KIF5C: variants seen among roughly 807,000 people sequenced by gnomAD.
KIF5C encodes kinesin family member 5C.
Under a neutral mutation model 125.2 loss-of-function variants are expected in KIF5C, and 18 were observed. That is an observed-to-expected ratio of 0.14 (90% confidence interval 0.10 to 0.21). KIF5C has a LOEUF of 0.21. Ranked by LOEUF, KIF5C falls within the 10% of genes least tolerant of loss-of-function variation. The probability of loss-of-function intolerance (pLI) is 1.00; values close to 1 mark genes in which losing one functional copy is unlikely to be tolerated. For missense variants in KIF5C, 780 were observed against 1,183.8 expected (o/e 0.66, Z 5.01); for synonymous variants, 405 against 434.0 (o/e 0.93, Z 0.83).
At chr2:149,011,278 G>A (rs1682187483) in intron 24 of KIF5C, among the ~76,000 whole-genome samples, 2 of 152,194 alleles carry the variant, frequency 1.3e-5, no homozygotes, top group South Asian at 2.1e-4. Flanking sequence ...GGGAACCTAC[G>A]ATCCATTTCA....
intron 25 of KIF5C, among the ~76,000 whole-genome samples, chr2:149,017,949 G>A (rs1028870345): frequency 1.3e-5 from 2 of 152,084 alleles, no homozygotes; most frequent in South Asian, 2.1e-4. Flanking sequence ...GGTGCAATGC[G>A]ACCCCGGAGT....
At chr2:148,992,575 G>T (rs967810168) in intron 16 of KIF5C, among the ~76,000 whole-genome samples, 1 of 152,156 alleles carries the variant, frequency 6.6e-6, no homozygotes, top group Non-Finnish European at 1.5e-5. Context: ...ATAATATTAT[G>T]CAGCTCTTAT....
chr2:148,888,575 A>C lies in KIF5C; in HGVS notation c.126+12832A>C, dbSNP rs185855363. The C allele has an allele frequency of 2.0e-5, 3 of 152,032 alleles. No individual in the cohort carries two copies. The East Asian group carries it at 5.9e-4, about 30-fold the overall frequency. The allele number at this position is 152,032 out of a possible 1,614,324, so 9.4% of individuals were successfully genotyped here. ...CACAGCTCTTTGGAGAAGGAGTCTG[A>C]TTCTGTGCTGAAAAATCTCTCTTCC... is the stretch of plus-strand genomic sequence containing the variant. On this transcript the variant is annotated intron_variant, in intron 1 of 25. Coordinates refer to ENST00000435030, the MANE Select transcript of KIF5C (RefSeq NM_004522.3).
intron 1 of KIF5C, chr2:148,878,840 A>C (rs905190539): frequency 6.6e-6 from 1 of 152,258 alleles, no homozygotes; most frequent in South Asian, 2.1e-4. Context: ...CTTCAAACAG[A>C]GACAAGTAAA....
intron 12 of KIF5C, among the ~76,000 whole-genome samples, chr2:148,974,577 G>A (rs763775462): frequency 7.9e-5 from 12 of 152,138 alleles, no homozygotes; most frequent in Non-Finnish European, 1.5e-4. Flanking sequence ...TCGCACCCAC[G>A]AGATGGGTTA....
intron 10 of KIF5C, among the ~76,000 whole-genome samples, chr2:148,955,132 C>T (rs1682761631): frequency 6.6e-6 from 1 of 152,082 alleles, no homozygotes; most frequent in Non-Finnish European, 1.5e-5. Flanking sequence ...AATGGCCTCA[C>T]CAGAAGCTGG....
At chr2:148,877,830 G>A (rs1681236621) in intron 1 of KIF5C, 1 of 149,182 alleles carries the variant, frequency 6.7e-6, no homozygotes, top group Admixed American at 6.8e-5. Context: ...TCCTTGACCT[G>A]TATGCAAGGC....
intron 10 of KIF5C, among the ~76,000 whole-genome samples, chr2:148,951,808 T>G (rs1682665796): frequency 6.6e-6 from 1 of 152,146 alleles, no homozygotes; most frequent in Non-Finnish European, 1.5e-5. Flanking sequence ...TGTTGTGTGG[T>G]TATGCCTAAG....
rs887254570 is a variant in KIF5C, at chr2:148,884,949, T to C, written c.126+9206T>C. Among the ~76,000 whole-genome samples, 9 of 148,474 alleles carry C rather than the reference T, an allele frequency of 6.1e-5. 1 individual carries two copies. The highest frequency in any genetic ancestry group is 3.5e-3 in the Middle Eastern group (1 of 282). On this transcript the variant is annotated intron_variant, in intron 1 of 25. Coordinates refer to ENST00000435030, the MANE Select transcript of KIF5C (RefSeq NM_004522.3). ...GCAAGATTCCCAGCCTATCCCCCCC[T>C]CACAATGGCCATGTCCTAATTGTTT... is the stretch of plus-strand genomic sequence containing the variant.
intron 4 of KIF5C, 61 bp downstream of exon 4, chr2:148,937,449 C>A (rs1015842744): frequency 6.6e-7 from 1 of 1,516,598 alleles, no homozygotes; most frequent in Non-Finnish European, 8.8e-7. Flanking sequence ...TTTCTTATAC[C>A]TCCTCCTTTC....
At chr2:148,974,337 C>T (rs1405409507) in intron 12 of KIF5C, among the ~76,000 whole-genome samples, 5 of 152,208 alleles carry the variant, frequency 3.3e-5, no homozygotes, top group Admixed American at 2.0e-4. Flanking sequence ...TGCTTAGGGA[C>T]ACCTCTGGCT....
chr2:148,998,749 C>T (rs1169361841), intron 19 of KIF5C: 3 of 526,630 alleles, frequency 5.7e-6, no homozygotes, highest in South Asian at 2.5e-5. Context: ...TCCTAGTCCC[C>T]GAGGGCCAGG....
In KIF5C at chr2:148,907,720, T is replaced by A. The variant is rs75105520; in HGVS notation, c.127-14417T>A. 3.3e-3 allele frequency among the ~76,000 whole-genome samples: 509 copies of A among 152,260 alleles called. 16 individuals carry two copies. The East Asian group carries it at 0.072, about 22-fold the overall frequency. ...AGAGCATGTCTGAGTAGCTGACTGA[T>A]GTGGAGCCAGCCTTTGTGGCCGAGG... On this transcript the variant is annotated intron_variant, in intron 1 of 25. Transcript: ENST00000435030.
intron 1 of KIF5C, among the ~76,000 whole-genome samples, chr2:148,909,881 G>A (rs1171183472): frequency 6.6e-6 from 1 of 152,100 alleles, no homozygotes; most frequent in Non-Finnish European, 1.5e-5. Context: ...CCTACTTATC[G>A]CTGTGCGACT....
chr2:149,007,935 T>C (rs1682060726), intron 22 of KIF5C, 28 bp from the exon 23 acceptor site: 1 of 1,552,772 alleles, frequency 6.4e-7, no homozygotes, highest in South Asian at 1.2e-5. Flanking sequence ...TGACAGCCTG[T>C]CCTGCTGACC....
chr2:148,975,734 A>G (rs1558927379), intron 12 of KIF5C, among the ~76,000 whole-genome samples: 1 of 152,102 alleles, frequency 6.6e-6, no homozygotes, highest in Non-Finnish European at 1.5e-5. Flanking sequence ...GTGGACTCAG[A>G]CCTGTAACAA....
At chr2:148,902,700 T>G (rs1680951883) in intron 1 of KIF5C, among the ~76,000 whole-genome samples, 2 of 152,224 alleles carry the variant, frequency 1.3e-5, no homozygotes, top group South Asian at 4.1e-4. Context: ...GTTTTTCTTA[T>G]GGGAGCCCAA....
intron 1 of KIF5C, among the ~76,000 whole-genome samples, chr2:148,889,201 C>T (rs56066804): frequency 0.012 from 1,856 of 152,312 alleles, 34 homozygotes; most frequent in African/African-American, 0.043. Flanking sequence ...AGTGTCCCAT[C>T]TGGTGGTTAA....
intron 3 of KIF5C, among the ~76,000 whole-genome samples, chr2:148,934,397 C>A (rs900192157): frequency 3.3e-5 from 5 of 151,324 alleles, no homozygotes; most frequent in African/African-American, 1.2e-4. Flanking sequence ...ATACATCATA[C>A]ACACACAGAC....
Sources: gnomAD v4.1 joint callset for allele counts (sites outside exome capture counted in the v4.1 genomes callset) on GRCh38, gnomAD v4.1.1 for gene constraint, MANE v1.5 for transcripts, NCBI Gene and HGNC (gene_info 2026-07-23, HGNC 2026-07-21) for gene names.